Variants in C22orf23 observed in about 807,000 individuals in gnomAD.
C22orf23 encodes the protein UPF0193 protein EVG1.
C22orf23 carries 30 observed loss-of-function variants against 29.7 expected under a neutral mutation model. That is an observed-to-expected ratio of 1.01 (90% confidence interval 0.76 to 1.37). C22orf23 has a LOEUF of 1.37. C22orf23 is among the 40% of genes most tolerant of loss of function. C22orf23 has a pLI of 0.00. For synonymous variants in C22orf23, 90 were observed against 96.1 expected (o/e 0.94, Z 0.37); for missense variants, 237 against 273.1 (o/e 0.87, Z 0.93).
At chr22:37,946,359 G>C (rs575168770) in intron 4 of C22orf23, among the ~76,000 whole-genome samples, 1 of 152,034 alleles carries the variant, frequency 6.6e-6, no homozygotes, top group Non-Finnish European at 1.5e-5. Flanking sequence ...CCAGGAGGTG[G>C]AGGTTGCAGT....
Position 37,943,995 on chromosome 22 carries a change from C to T in C22orf23, c.*180G>A, listed in dbSNP as rs1930540477. 1.1e-5 allele frequency: 7 copies of T among 636,092 alleles called. No homozygotes were observed. In the South Asian group the frequency reaches 1.3e-4, roughly 12 times the overall value. The allele number at this position is 636,092 out of a possible 1,614,324, so 39.4% of individuals were successfully genotyped here. On this transcript the variant is annotated 3_prime_UTR_variant, in exon 7 of 7. Coordinates refer to ENST00000403305, the MANE Select transcript of C22orf23 (RefSeq NM_032561.5). Reference sequence around the variant, plus strand: ...CTGTGAGTCTCAGAGGCTCCATCTGCATTCCGGGGCAGGGGCTAGGCTGCT... The same window carrying T: ...CTGTGAGTCTCAGAGGCTCCATCTGTATTCCGGGGCAGGGGCTAGGCTGCT...
chr22:37,953,075 G>A lies in C22orf23; in HGVS notation c.75C>T (p.Tyr25=). 1 of 1,613,972 alleles carries A rather than the reference G, an allele frequency of 6.2e-7. No homozygotes were observed. The highest frequency in any genetic ancestry group is 1.1e-5 in the South Asian group (1 of 91,066). Residue 25 remains tyrosine, a synonymous_variant, in exon 2 of 7, where the codon TAC becomes TAT. Coordinates refer to ENST00000403305, the MANE Select transcript of C22orf23 (RefSeq NM_032561.5). ...GFRRRPKTIT[Y]TPGTCELLRV... ...TGAGCAGCTCGCAGGTCCCCGGGGT[G>A]TAAGTGATGGTCTTGGGGCGGCGCC...
rs1931144033 is a variant in C22orf23 at position 37,952,846 on chromosome 22, C to G, written c.103+201G>C. Reference sequence around the variant, plus strand: ...TGACGGCCTTAGATTCTCATAGGAGCGCGAACCCTATTGTGAACTGCGCAC... The same window carrying G: ...TGACGGCCTTAGATTCTCATAGGAGGGCGAACCCTATTGTGAACTGCGCAC... On this transcript the variant is annotated intron_variant, in intron 2 of 6. Transcript: ENST00000403305. The G allele has an allele frequency of 2.2e-5, 11 of 501,284 alleles. No individual in the cohort carries two copies. The South Asian group carries it at 2.6e-4, about 12-fold the overall frequency. The allele number at this position is 501,284 out of a possible 1,614,324, so 31.1% of individuals were successfully genotyped here. A position where few individuals can be genotyped will look rare whatever the true frequency, so the allele number is the denominator to read the frequency against.
At chr22:37,945,276 G>A (rs1930629901) in intron 4 of C22orf23, 103 bp from the exon 5 acceptor site, 1 of 1,399,258 alleles carries the variant, frequency 7.1e-7, no homozygotes, top group Admixed American at 2.1e-5. Context: ...GCCTGGTCAT[G>A]CAGACAGGGC....
chr22:37,944,209 C>T lies in C22orf23; in HGVS notation c.620G>A (p.Ser207Asn), dbSNP rs1252137172. Residue 207 changes from serine to asparagine, a missense_variant, in exon 7 of 7, where the codon AGT (serine) becomes AAT (asparagine). Coordinates refer to ENST00000403305, the MANE Select transcript of C22orf23 (RefSeq NM_032561.5). ...REMEDIDHRR[S>N]EELRKGLATT The stretch of plus-strand genomic sequence containing the variant: ...GGCAAGACCCTTCCTAAGTTCCTCA[C>T]TCCTTCTGTGGTCAATGTCTTCCAT... 2 of 1,614,234 alleles carry T rather than the reference C, an allele frequency of 1.2e-6. No homozygotes were observed. The highest frequency in any genetic ancestry group is 1.7e-6 in the Non-Finnish European group (2 of 1,180,050).
chr22:37,946,279 G>A (rs1031761955), intron 4 of C22orf23, among the ~76,000 whole-genome samples: 4 of 150,288 alleles, frequency 2.7e-5, no homozygotes, highest in Admixed American at 6.6e-5. Context: ...AAAATTAGCT[G>A]GGCAGGGCAT....
At position 37,951,483 on chromosome 22, in the gene C22orf23, C is replaced by T. The variant is rs114523199; in HGVS notation, c.143G>A (p.Arg48His). The T allele has an allele frequency of 4.3e-6, 7 of 1,613,864 alleles. No homozygotes were observed. Among genetic ancestry groups the T allele is most frequent in the African/African-American group, 2.7e-5 (2 of 74,870 alleles). ...ACTTTTCATGATGTCCATGATGTGG[C>T]GCTGCTGGATGTTCGTCAGTTTGGA... ...KESKLTNIQQ[R>H]HIMDIMKRGD... is the part of the protein sequence containing the mutation. Residue 48 changes from arginine (R) to histidine (H), a missense_variant, in exon 3 of 7, where the codon CGC becomes CAC. Transcript: ENST00000403305.
rs1054058977 is a variant in C22orf23 at position 37,943,958 on chromosome 22, C to G, written c.*217G>C. On this transcript the variant is annotated 3_prime_UTR_variant, in exon 7 of 7. Transcript: ENST00000403305. ...GTAGGGATGCTCGGGCTTTGCTTCT[C>G]TGCGGACGGGGCTGTGAGTCTCAGA... is the stretch of plus-strand genomic sequence containing the variant. 1 of 603,422 alleles carries G rather than the reference C, an allele frequency of 1.7e-6. No homozygotes were observed. The highest frequency in any genetic ancestry group is 1.8e-5 in the African/African-American group (1 of 54,062). The allele number at this position is 603,422 out of a possible 1,614,324, so 37.4% of individuals were successfully genotyped here. A position where few individuals can be genotyped will look rare whatever the true frequency, so the allele number is the denominator to read the frequency against.
intron 3 of C22orf23, among the ~76,000 whole-genome samples, chr22:37,950,171 G>A (rs1254248799): frequency 6.6e-6 from 1 of 151,838 alleles, no homozygotes; most frequent in Admixed American, 6.6e-5. Flanking sequence ...GGAGTGCAGT[G>A]GTATGGTCTC....
intron 4 of C22orf23, 149 bp from the exon 5 acceptor site, chr22:37,945,322 G>C (rs1316281666): frequency 1.1e-6 from 1 of 917,684 alleles, no homozygotes; most frequent in East Asian, 2.5e-5. Context: ...GTTCTCCTGA[G>C]CAATACTGTA....
chr22:37,948,071 C>T (rs1383742910), intron 3 of C22orf23, among the ~76,000 whole-genome samples: 1 of 151,946 alleles, frequency 6.6e-6, no homozygotes, highest in African/African-American at 2.4e-5. Flanking sequence ...TGCACCACTG[C>T]ACTCCAGCCT....
intron 3 of C22orf23, chr22:37,951,008 C>G (rs777644769): frequency 1.3e-5 from 2 of 156,808 alleles, no homozygotes; most frequent in African/African-American, 4.8e-5. Context: ...GTCAGGAGAT[C>G]GAGACCATCC....
intron 4 of C22orf23, among the ~76,000 whole-genome samples, chr22:37,946,697 T>C (rs556918643): frequency 6.7e-6 from 1 of 148,970 alleles, no homozygotes; most frequent in South Asian, 2.3e-4. Flanking sequence ...CTGGCCAACA[T>C]GGTGAATCCC....
At chr22:37,952,964 A>G in intron 2 of C22orf23, 83 bp downstream of exon 2, 1 of 952,036 alleles carries the variant, frequency 1.1e-6, no homozygotes, top group Non-Finnish European at 1.7e-6. Flanking sequence ...CATTCCCCAC[A>G]CCTCCGTCAG....
Position 37,951,500 on chromosome 22 carries a change from C to T in C22orf23, c.126G>A (p.Leu42=). The T allele has an allele frequency of 1.2e-6, 2 of 1,614,064 alleles. No individual in the cohort carries two copies. The highest frequency in any genetic ancestry group is 2.2e-5 in the South Asian group (2 of 91,072). Reference sequence around the variant, plus strand: ...TGATGTGGCGCTGCTGGATGTTCGTCAGTTTGGATTCCTTCATCATCACTG... The same window carrying T: ...TGATGTGGCGCTGCTGGATGTTCGTTAGTTTGGATTCCTTCATCATCACTG... The part of the protein sequence containing the change: ...LLRVMMKESK[L]TNIQQRHIMD... Residue 42 remains leucine, a synonymous_variant, in exon 3 of 7, where the codon CTG becomes CTA. Coordinates refer to ENST00000403305, the MANE Select transcript of C22orf23 (RefSeq NM_032561.5).
chr22:37,944,001 G>A lies in C22orf23; in HGVS notation c.*174C>T, dbSNP rs1341891238. On this transcript the variant is annotated 3_prime_UTR_variant, in exon 7 of 7. Coordinates refer to ENST00000403305, the MANE Select transcript of C22orf23 (RefSeq NM_032561.5). Reference sequence around the variant, plus strand: ...GTCTCAGAGGCTCCATCTGCATTCCGGGGCAGGGGCTAGGCTGCTGAGTAT... The same window carrying A: ...GTCTCAGAGGCTCCATCTGCATTCCAGGGCAGGGGCTAGGCTGCTGAGTAT... 2.3e-5 allele frequency: 15 copies of A among 644,542 alleles called. No individual in the cohort carries two copies. The highest frequency in any genetic ancestry group is 4.1e-4 in the Middle Eastern group (1 of 2,436). The allele number at this position is 644,542 out of a possible 1,614,324, so 39.9% of individuals were successfully genotyped here. A position where few individuals can be genotyped will look rare whatever the true frequency, so the allele number is the denominator to read the frequency against.
chr22:37,949,506 T>C (rs1930895934), intron 3 of C22orf23, among the ~76,000 whole-genome samples: 1 of 140,570 alleles, frequency 7.1e-6, no homozygotes, highest in Non-Finnish European at 1.5e-5. Context: ...TCACCCAGGC[T>C]AGAGTGCAAT....
intron 3 of C22orf23, among the ~76,000 whole-genome samples, chr22:37,950,098 C>G (rs775990777): frequency 4.0e-5 from 6 of 151,884 alleles, no homozygotes; most frequent in Non-Finnish European, 8.8e-5. Flanking sequence ...CCACAGCTGA[C>G]CTGTTTTTTT....
intron 3 of C22orf23, among the ~76,000 whole-genome samples, chr22:37,950,277 TA>T (rs1930936908): frequency 6.6e-6 from 1 of 151,342 alleles, no homozygotes; most frequent in South Asian, 2.1e-4. Context: ...CATGCCCAGC[TA>T]ATTTTTGTAT....
Sources: gnomAD v4.1 joint callset for allele counts (sites outside exome capture counted in the v4.1 genomes callset) on GRCh38, gnomAD v4.1.1 for gene constraint, MANE v1.5 for transcripts, NCBI Gene and HGNC (gene_info 2026-07-23, HGNC 2026-07-21) for gene names.